The following ARHGEF3 variants were observed in gnomAD, a reference collection of about 807,000 sequenced individuals.
ARHGEF3 encodes 59.8 kDA protein.
In ARHGEF3, 28 loss-of-function variants were observed where a neutral mutation model predicts 63.2. That is an observed-to-expected ratio of 0.44 (90% CI 0.33 to 0.61). The LOEUF (loss-of-function observed/expected upper bound fraction) is 0.61, where lower values mean the gene tolerates loss of function less well. Among genes scored for constraint, ARHGEF3 ranks in the 20% least tolerant of loss-of-function variants. The pLI is 0.03. For synonymous variants in ARHGEF3, 266 were observed against 254.2 expected (o/e 1.05, Z -0.44); for missense variants, 533 against 659.3 (o/e 0.81, Z 2.10).
intron 4 of ARHGEF3, chr3:56,882,283 T>A: frequency 1.3e-6 from 2 of 1,551,406 alleles, no homozygotes; most frequent in Non-Finnish European, 1.7e-6. Context: ...AAGAAAGGAC[T>A]ATACTTACAC....
chr3:57,037,733 G>A (rs1704020743), intron 1 of ARHGEF3, among the ~76,000 whole-genome samples: 1 of 152,208 alleles, frequency 6.6e-6, no homozygotes, highest in African/African-American at 2.4e-5. Context: ...AAATTAGCCA[G>A]GCTTGGTGGC....
intron 4 of ARHGEF3, among the ~76,000 whole-genome samples, chr3:56,852,242 C>T (rs1290439271): frequency 1.3e-5 from 2 of 152,222 alleles, no homozygotes; most frequent in African/African-American, 4.8e-5. Context: ...CCTGAGCACC[C>T]TCTGTGATGA....
intron 4 of ARHGEF3, among the ~76,000 whole-genome samples, chr3:56,879,322 A>G: frequency 6.6e-6 from 1 of 152,176 alleles, no homozygotes; most frequent in Non-Finnish European, 1.5e-5. Flanking sequence ...TCAAAGGGGG[A>G]CATAGTCTGT....
At chr3:56,875,045 G>A (rs937945317) in intron 4 of ARHGEF3, among the ~76,000 whole-genome samples, 3 of 152,124 alleles carry the variant, frequency 2.0e-5, no homozygotes, top group African/African-American at 7.2e-5. Flanking sequence ...TGATTGGGAG[G>A]ACAGGCCTGC....
rs546867499 is a variant in ARHGEF3, at chr3:56,994,720, C to T, written c.63-35831G>A. On this transcript the variant is annotated intron_variant, in intron 2 of 12. Coordinates refer to the ARHGEF3 transcript ENST00000338458. ...CACAGTATAACTTAAAAACTTCCCACACTCCCCCGAATCCAGGACAATAGA... is the reference window on the plus strand; with the variant it reads ...CACAGTATAACTTAAAAACTTCCCATACTCCCCCGAATCCAGGACAATAGA... Among the ~76,000 whole-genome samples the T allele has an allele frequency of 1.3e-5, 2 of 152,256 alleles. 1 individual carries two copies. The highest frequency in any genetic ancestry group is 4.1e-4 in the South Asian group (2 of 4,830).
intron 2 of ARHGEF3, among the ~76,000 whole-genome samples, chr3:57,018,628 G>A (rs922808926): frequency 1.3e-5 from 2 of 152,150 alleles, no homozygotes; most frequent in Non-Finnish European, 2.9e-5. Flanking sequence ...AATGATTAAA[G>A]TTATGCTAAA....
chr3:56,933,949 A>T (rs1288850936), intron 3 of ARHGEF3, among the ~76,000 whole-genome samples: 1 of 152,188 alleles, frequency 6.6e-6, no homozygotes, highest in Non-Finnish European at 1.5e-5. Context: ...TGGTTTTATT[A>T]GTGTTTAACA....
chr3:56,775,109 A>G (rs1157425824), intron 1 of ARHGEF3: 40 of 1,550,470 alleles, frequency 2.6e-5, no homozygotes, highest in Non-Finnish European at 3.2e-5. Flanking sequence ...GCAAACCTCA[A>G]TCATTTCCAG....
chr3:57,048,417 A>T (rs942659176), intron 1 of ARHGEF3, among the ~76,000 whole-genome samples: 7 of 152,162 alleles, frequency 4.6e-5, no homozygotes, highest in African/African-American at 1.2e-4. Context: ...TACCCAACAG[A>T]TTTGCACATC....
intron 4 of ARHGEF3, among the ~76,000 whole-genome samples, chr3:56,865,232 A>G (rs2040203715): frequency 6.6e-6 from 1 of 152,206 alleles, no homozygotes; most frequent in African/African-American, 2.4e-5. Context: ...CAGAGAGGGA[A>G]CATCATCAAG....
chr3:56,853,212 C>T (rs2108155351), intron 4 of ARHGEF3, among the ~76,000 whole-genome samples: 1 of 152,254 alleles, frequency 6.6e-6, no homozygotes, highest in Non-Finnish European at 1.5e-5. Context: ...GGGGTGGTGA[C>T]AAGCCAAAAG....
At chr3:56,971,750 AG>A (rs1436679646) in intron 2 of ARHGEF3, among the ~76,000 whole-genome samples, 1 of 152,010 alleles carries the variant, frequency 6.6e-6, no homozygotes, top group Non-Finnish European at 1.5e-5. Flanking sequence ...GCTACTCGGG[AG>A]GCTGAGGCAG....
intron 4 of ARHGEF3, among the ~76,000 whole-genome samples, chr3:56,854,193 TA>T (rs549808550): frequency 7.9e-5 from 12 of 151,592 alleles, no homozygotes; most frequent in African/African-American, 2.9e-4. Flanking sequence ...AGACTCCATC[TA>T]AAAAAACAAA....
At chr3:56,957,920 C>CTAT (rs954143764) in intron 3 of ARHGEF3, among the ~76,000 whole-genome samples, 1 of 152,068 alleles carries the variant, frequency 6.6e-6, no homozygotes, top group African/African-American at 2.4e-5. Context: ...TACACTGTGG[C>CTAT]TATTATTATT....
chr3:57,054,559 G>T (rs1704823671), intron 1 of ARHGEF3, among the ~76,000 whole-genome samples: 1 of 151,292 alleles, frequency 6.6e-6, no homozygotes, highest in South Asian at 2.1e-4. Flanking sequence ...GATTGCTTGA[G>T]CCCAGCAGGG....
At position 56,994,064 on chromosome 3, in the gene ARHGEF3, C is replaced by CAAAAAAAAAAAAAAAAAAAAAAAAAAAAA. The variant is rs60299557; in HGVS notation, c.63-35176_63-35175insTTTTTTTTTTTTTTTTTTTTTTTTTTTTT. On this transcript the variant is annotated intron_variant, in intron 2 of 12. Transcript: ENST00000338458. ...GGGCGACAAGAGTGAAACTTCGTCT[C>CAAAAAAAAAAAAAAAAAAAAAAAAAAAAA]AAAAAAAAAAAAAAAAAAAAAGCAC... 2.7e-4 allele frequency among the ~76,000 whole-genome samples: 16 copies of CAAAAAAAAAAAAAAAAAAAAAAAAAAAAA among 59,748 alleles called. 4 individuals carry two copies. The highest frequency in any genetic ancestry group is 3.7e-4 in the Non-Finnish European group (11 of 29,902). 39.2% of individuals were successfully genotyped at this position (59,748 alleles called of 152,430 possible).
At position 57,042,690 on chromosome 3, in the gene ARHGEF3, ATATATATATAT is replaced by A. The variant is rs1347896187; in HGVS notation, c.-27-7525_-27-7515del. 3.9e-3 allele frequency among the ~76,000 whole-genome samples: 51 copies of A among 13,100 alleles called. 3 individuals carry two copies. The highest frequency in any genetic ancestry group is 0.013 in the African/African-American group (43 of 3,296). 8.6% of individuals were successfully genotyped at this position (13,100 alleles called of 152,430 possible). A position where few individuals can be genotyped will look rare whatever the true frequency, so the allele number is the denominator to read the frequency against. On this transcript the variant is annotated intron_variant, in intron 1 of 12. Coordinates refer to the ARHGEF3 transcript ENST00000338458. ...TATATATATATATATATATATATAT[ATATATATATAT>A]TTTTTTTTTTTTTTAGACGGAGTCT... is the stretch of plus-strand genomic sequence containing the variant.
intron 3 of ARHGEF3, among the ~76,000 whole-genome samples, chr3:56,920,168 A>G (rs1294186261): frequency 2.0e-5 from 3 of 152,226 alleles, no homozygotes; most frequent in Admixed American, 2.0e-4. Context: ...TTTTCAGGGT[A>G]TGGTATTTTT....
At chr3:56,837,708 C>T (rs189106305) in intron 4 of ARHGEF3, among the ~76,000 whole-genome samples, 187 of 152,256 alleles carry the variant, frequency 1.2e-3, no homozygotes, top group African/African-American at 4.1e-3. Context: ...TCCTGACAAA[C>T]GGTTTCCTCC....
Sources: gnomAD v4.1 joint callset for allele counts (sites outside exome capture counted in the v4.1 genomes callset) on GRCh38, gnomAD v4.1.1 for gene constraint, MANE v1.5 for transcripts, NCBI Gene and HGNC (gene_info 2026-07-23, HGNC 2026-07-21) for gene names.